Variants in ARHGAP15 observed in about 807,000 individuals in gnomAD.
The protein encoded by ARHGAP15 is rho GTPase-activating protein 15.
A neutral mutation model predicts 63.7 loss-of-function variants in ARHGAP15; 51 were observed. The ratio of observed to expected loss-of-function variants is 0.80; its 90% confidence interval spans 0.64 to 1.01. The LOEUF is 1.01. ARHGAP15 is among the 50% of genes least tolerant of loss of function. The pLI, the probability that ARHGAP15 is intolerant of heterozygous loss-of-function variation, is 0.00. For synonymous variants in ARHGAP15, 191 were observed against 193.8 expected (o/e 0.99, Z 0.12); for missense variants, 560 against 564.6 (o/e 0.99, Z 0.08).
chr2:143,492,828 G>A (rs1180314815), intron 9 of ARHGAP15, among the ~76,000 whole-genome samples: 7 of 151,892 alleles, frequency 4.6e-5, no homozygotes, highest in East Asian at 1.9e-4. Context: ...AGGCAGAGGC[G>A]GGCAGATCAC....
At chr2:143,717,000 A>T (rs1684837734) in intron 13 of ARHGAP15, among the ~76,000 whole-genome samples, 1 of 152,238 alleles carries the variant, frequency 6.6e-6, no homozygotes, top group Non-Finnish European at 1.5e-5. Flanking sequence ...CCATCTAAAA[A>T]GAAAAGTTTC....
intron 4 of ARHGAP15, among the ~76,000 whole-genome samples, chr2:143,219,866 A>C (rs1692917544): frequency 6.6e-6 from 1 of 152,242 alleles, no homozygotes; most frequent in Non-Finnish European, 1.5e-5. Flanking sequence ...GTCTATTCAT[A>C]AACTTTGACT....
intron 6 of ARHGAP15, among the ~76,000 whole-genome samples, chr2:143,316,536 C>CAT (rs978963236): frequency 5.6e-5 from 8 of 142,324 alleles, no homozygotes; most frequent in Non-Finnish European, 1.1e-4. Flanking sequence ...ATATATATAA[C>CAT]ATATATTAAA....
intron 6 of ARHGAP15, among the ~76,000 whole-genome samples, chr2:143,432,636 C>G (rs137881689): frequency 6.6e-6 from 1 of 151,966 alleles, no homozygotes; most frequent in Non-Finnish European, 1.5e-5. Context: ...TCAGTGGACA[C>G]GCTTCTATAA....
In ARHGAP15 at chr2:143,689,023, A is replaced by G. The variant is rs986674313; in HGVS notation, c.1139-14396A>G. On this transcript the variant is annotated intron_variant, in intron 12 of 13. Transcript: ENST00000295095. Reference sequence around the variant, plus strand: ...TCTTAATTTTGTGCTTGACTTGCATATTTTTCAAATGTTCTGGTTTCTTCC... The same window carrying G: ...TCTTAATTTTGTGCTTGACTTGCATGTTTTTCAAATGTTCTGGTTTCTTCC... 3.3e-5 allele frequency among the ~76,000 whole-genome samples: 5 copies of G among 151,886 alleles called. 1 individual carries two copies. Among genetic ancestry groups the G allele is most frequent in the South Asian group, 4.2e-4 (2 of 4,810 alleles).
intron 6 of ARHGAP15, among the ~76,000 whole-genome samples, chr2:143,407,192 T>A (rs1688234402): frequency 6.6e-6 from 1 of 151,948 alleles, no homozygotes; most frequent in Non-Finnish European, 1.5e-5. Flanking sequence ...TCCTTCATTT[T>A]AAGCTTCATT....
intron 5 of ARHGAP15, among the ~76,000 whole-genome samples, chr2:143,235,628 G>A (rs146352185): frequency 5.3e-5 from 8 of 152,294 alleles, no homozygotes; most frequent in African/African-American, 1.9e-4. Context: ...AGTGGTATGT[G>A]TCTTAAAAGA....
intron 6 of ARHGAP15, among the ~76,000 whole-genome samples, chr2:143,386,217 T>A (rs1297003007): frequency 6.6e-6 from 1 of 152,102 alleles, no homozygotes; most frequent in Non-Finnish European, 1.5e-5. Flanking sequence ...ATTCTCAGGT[T>A]GGATGTTATA....
At chr2:143,413,966 T>TGTGTGTGTGTGTGTGTGCGCGCGCGCGC in intron 6 of ARHGAP15, among the ~76,000 whole-genome samples, 29 of 117,922 alleles carry the variant, frequency 2.5e-4, no homozygotes, top group East Asian at 1.3e-3. Context: ...TGTGTGTGTG[T>TGTGTGTGTGTGTGTGTGCGCGCGCGCGC]GCGCGCTCTC....
intron 6 of ARHGAP15, among the ~76,000 whole-genome samples, chr2:143,378,919 G>A (rs1167185227): frequency 6.6e-6 from 1 of 151,764 alleles, no homozygotes; most frequent in African/African-American, 2.4e-5. Flanking sequence ...GGGAATGGGT[G>A]GAATCTTTGA....
At position 143,768,009 on chromosome 2, in the gene ARHGAP15, A is replaced by G; in HGVS notation, c.1265A>G (p.Lys422Arg). The G allele has an allele frequency of 6.2e-7, 1 of 1,613,608 alleles. No individual in the cohort carries two copies. The highest frequency in any genetic ancestry group is 8.5e-7 in the Non-Finnish European group (1 of 1,179,676). Reference sequence around the variant, plus strand: ...CACAGGATAGTGGCCAAAGCCTCCAAGAACCTCATGTCCACGCAAAGCTTG... The same window carrying G: ...CACAGGATAGTGGCCAAAGCCTCCAGGAACCTCATGTCCACGCAAAGCTTG... ...HLTKIVAKAS[K>R]NLMSTQSLGI... Residue 422 changes from lysine (K) to arginine (R), a missense_variant, in exon 14 of 14, where the codon AAG (lysine) becomes AGG (arginine). By Grantham distance (26) the Lys-to-Arg change is conservative. Transcript: ENST00000295095.
intron 6 of ARHGAP15, among the ~76,000 whole-genome samples, chr2:143,364,205 A>AC (rs148320497): frequency 0.18 from 26,734 of 147,850 alleles, 2,462 homozygotes; most frequent in East Asian, 0.4. Context: ...AACAACAACA[A>AC]AAAAAAAAAA....
At chr2:143,254,058 C>T (rs912765792) in intron 6 of ARHGAP15, among the ~76,000 whole-genome samples, 1 of 152,100 alleles carries the variant, frequency 6.6e-6, no homozygotes, top group African/African-American at 2.4e-5. Flanking sequence ...AACAGCAACA[C>T]TAGGTCTTCA....
chr2:143,238,938 A>G (rs753021022), intron 5 of ARHGAP15, among the ~76,000 whole-genome samples: 33 of 152,298 alleles, frequency 2.2e-4, no homozygotes, highest in African/African-American at 7.7e-4. Flanking sequence ...AAACTAACAC[A>G]GGGACAGAAA....
chr2:143,362,010 C>T (rs934967210), intron 6 of ARHGAP15, among the ~76,000 whole-genome samples: 1 of 152,138 alleles, frequency 6.6e-6, no homozygotes, highest in Non-Finnish European at 1.5e-5. Context: ...TCTATCCATC[C>T]TGGAAGCCTA....
chr2:143,566,960 C>T (rs1350868550), intron 11 of ARHGAP15, among the ~76,000 whole-genome samples: 1 of 151,854 alleles, frequency 6.6e-6, no homozygotes, highest in Non-Finnish European at 1.5e-5. Flanking sequence ...ACTGCAAGCT[C>T]TGCCTCCCGG....
chr2:143,426,563 GCT>G lies in ARHGAP15; in HGVS notation c.475-9035_475-9034del, dbSNP rs1313404162. 7.9e-5 allele frequency among the ~76,000 whole-genome samples: 12 copies of G among 152,248 alleles called. No individual in the cohort carries two copies. In the East Asian group the frequency reaches 1.9e-3, roughly 24 times the overall value. ...GTCCTCAGCTGCTTTGCTCCTTTCA[GCT>G]CTGTCATCACATAGAAAGGTCTCTT... is the stretch of plus-strand genomic sequence containing the variant. On this transcript the variant is annotated intron_variant, in intron 6 of 13. Coordinates refer to ENST00000295095, the MANE Select transcript of ARHGAP15 (RefSeq NM_018460.4).
intron 12 of ARHGAP15, among the ~76,000 whole-genome samples, chr2:143,698,753 T>C (rs1331011322): frequency 1.3e-5 from 2 of 152,020 alleles, no homozygotes; most frequent in African/African-American, 4.8e-5. Flanking sequence ...CATAATAGAA[T>C]AAGGGCAGGA....
At chr2:143,625,012 C>G (rs1287803918) in intron 12 of ARHGAP15, among the ~76,000 whole-genome samples, 3 of 152,024 alleles carry the variant, frequency 2.0e-5, no homozygotes, top group African/African-American at 7.2e-5. Context: ...TGCTATTAAT[C>G]CTTGGAGAAG....
Sources: gnomAD v4.1 joint callset for allele counts (sites outside exome capture counted in the v4.1 genomes callset) on GRCh38, gnomAD v4.1.1 for gene constraint, MANE v1.5 for transcripts, NCBI Gene and HGNC (gene_info 2026-07-23, HGNC 2026-07-21) for gene names.